ASXL2: variants seen among roughly 807,000 people sequenced by gnomAD.
ASXL2 encodes ASXL transcriptional regulator 2.
In ASXL2, 23 loss-of-function variants were observed where a neutral mutation model predicts 122.0. That is an observed-to-expected ratio of 0.19 (90% CI 0.14 to 0.27). The LOEUF (loss-of-function observed/expected upper bound fraction) is 0.27. ASXL2 is among the 10% of genes least tolerant of loss of function. The pLI is 1.00. For synonymous variants in ASXL2, 650 were observed against 637.0 expected, an observed-to-expected ratio of 1.02 and a Z score of -0.31; for missense variants, 1,518 against 1,713.8, an observed-to-expected ratio of 0.89 and a Z score of 2.02.
At chr2:25,814,984 T>C (rs1316279894) in intron 3 of ASXL2, among the ~76,000 whole-genome samples, 3 of 152,146 alleles carry the variant, frequency 2.0e-5, no homozygotes, top group Non-Finnish European at 4.4e-5. Flanking sequence ...TCACAGATAA[T>C]GTACATACCA....
Position 25,742,205 on chromosome 2 carries a change from G to A in ASXL2, c.4132C>T (p.His1378Tyr). Reference protein sequence around the residue: ...PASQAMNPSSHGQTIPVQAFS... With the variant: ...PASQAMNPSSYGQTIPVQAFS... ...GCCTGAACAGGAATGGTCTGGCCAT[G>A]GCTGCTGGGATTCATAGCTTGGCTA... Residue 1378 changes from histidine to tyrosine, a missense_variant, in exon 13 of 13, where the codon CAT (histidine) becomes TAT (tyrosine). Physicochemically the swap from His to Tyr is moderately conservative, Grantham distance 83. Around this residue, in one of 8 missense-constraint regions of ASXL2, gnomAD observed 831 missense variants for 833.1 expected, o/e 1.00. Transcript: ENST00000435504. 6.2e-7 allele frequency: 1 copy of A among 1,614,024 alleles called. No individual in the cohort carries two copies. The highest frequency in any genetic ancestry group is 1.3e-5 in the African/African-American group (1 of 75,042).
At chr2:25,818,835 T>C (rs2089272498) in intron 3 of ASXL2, among the ~76,000 whole-genome samples, 1 of 152,218 alleles carries the variant, frequency 6.6e-6, no homozygotes, top group Non-Finnish European at 1.5e-5. Context: ...ATCCCTGCTT[T>C]GTGTACTCAT....
intron 2 of ASXL2, among the ~76,000 whole-genome samples, chr2:25,836,441 A>T (rs1202040349): frequency 2.0e-5 from 3 of 152,198 alleles, no homozygotes; most frequent in Admixed American, 1.3e-4. Context: ...GAGAATATTG[A>T]CTTTATTTCC....
intron 1 of ASXL2, among the ~76,000 whole-genome samples, chr2:25,852,973 T>C (rs1019578868): frequency 1.3e-5 from 2 of 152,138 alleles, no homozygotes; most frequent in African/African-American, 4.8e-5. Flanking sequence ...AAACAACTCT[T>C]TCTAGGACAA....
At chr2:25,809,125 A>G (rs2089127980) in intron 3 of ASXL2, among the ~76,000 whole-genome samples, 2 of 152,210 alleles carry the variant, frequency 1.3e-5, no homozygotes, top group South Asian at 4.1e-4. Context: ...TGAGTTTCAC[A>G]TGGCTAAATC....
intron 6 of ASXL2, among the ~76,000 whole-genome samples, chr2:25,769,351 G>T (rs1477450550): frequency 1.3e-5 from 2 of 152,146 alleles, no homozygotes; most frequent in African/African-American, 4.8e-5. Flanking sequence ...AGGCTTCAGA[G>T]ATACAATATT....
chr2:25,815,312 T>A (rs1485957122), intron 3 of ASXL2, among the ~76,000 whole-genome samples: 5 of 152,252 alleles, frequency 3.3e-5, no homozygotes, highest in Admixed American at 2.6e-4. Context: ...GCCAGCCTAC[T>A]CTACCTTTCT....
At chr2:25,829,419 GA>G (rs1325996741) in intron 3 of ASXL2, among the ~76,000 whole-genome samples, 4 of 152,182 alleles carry the variant, frequency 2.6e-5, no homozygotes, top group Non-Finnish European at 4.4e-5. Context: ...GCTGGAGAGA[GA>G]GAATAAAAAT....
chr2:25,824,656 C>T (rs903202831), intron 3 of ASXL2, among the ~76,000 whole-genome samples: 3 of 152,174 alleles, frequency 2.0e-5, no homozygotes, highest in Non-Finnish European at 2.9e-5. Flanking sequence ...CAGTCTCCAA[C>T]CCCGTGGTTT....
chr2:25,856,653 T>C (rs1371151714), intron 1 of ASXL2: 1 of 1,258,676 alleles, frequency 7.9e-7, no homozygotes. Flanking sequence ...CTCCCCAGAG[T>C]GGTGGCTCAC....
chr2:25,763,097 C>A (rs1559503935), intron 8 of ASXL2, among the ~76,000 whole-genome samples: 2 of 152,132 alleles, frequency 1.3e-5, no homozygotes, highest in Non-Finnish European at 2.9e-5. Flanking sequence ...ACAGGGAGAA[C>A]TGGACAAACC....
chr2:25,829,289 T>C (rs1037719116), intron 3 of ASXL2, among the ~76,000 whole-genome samples: 30 of 145,692 alleles, frequency 2.1e-4, no homozygotes, highest in African/African-American at 5.5e-4. Context: ...CACATACACA[T>C]ACACACACAC....
Position 25,837,084 on chromosome 2 carries a change from TGGG to T in ASXL2, c.141-1547_141-1545del, listed in dbSNP as rs3065434. Among the ~76,000 whole-genome samples, 128 of 88,690 alleles carry T rather than the reference TGGG, an allele frequency of 1.4e-3. 2 individuals carry two copies. Among genetic ancestry groups the T allele is most frequent in the Middle Eastern group, 9.5e-3 (2 of 210 alleles). The allele number at this position is 88,690 out of a possible 152,430, so 58.2% of individuals were successfully genotyped here. ...AGGTTAAGGAAACTCCAAAGGGGGGTGGGGGGGGGGGGCGTGGGAAGCACTAAA... is the reference window on the plus strand; with the variant it reads ...AGGTTAAGGAAACTCCAAAGGGGGGTGGGGGGGGGCGTGGGAAGCACTAAA... On this transcript the variant is annotated intron_variant, in intron 2 of 12. Coordinates refer to ENST00000435504, the MANE Select transcript of ASXL2 (RefSeq NM_018263.6).
intron 5 of ASXL2, among the ~76,000 whole-genome samples, chr2:25,774,624 T>C (rs547782082): frequency 9.1e-4 from 139 of 152,360 alleles, no homozygotes; most frequent in African/African-American, 3.1e-3. Context: ...TATGTACATG[T>C]GAGTGTTTTT....
chr2:25,846,030 T>C (rs531375902), intron 1 of ASXL2, among the ~76,000 whole-genome samples: 68 of 152,282 alleles, frequency 4.5e-4, no homozygotes, highest in African/African-American at 1.5e-3. Context: ...CAACTAGCAG[T>C]ACCACACTAG....
At chr2:25,769,689 C>T (rs528047270) in intron 6 of ASXL2, among the ~76,000 whole-genome samples, 1 of 150,608 alleles carries the variant, frequency 6.6e-6, no homozygotes, top group East Asian at 1.9e-4. Flanking sequence ...GAAAAAGAAA[C>T]GAAGAAAGTA....
At position 25,744,940 on chromosome 2, in the gene ASXL2, C is replaced by T. The variant is rs1314744164; in HGVS notation, c.1861-464G>A. Among the ~76,000 whole-genome samples, 1 of 37,802 alleles carries T rather than the reference C, an allele frequency of 2.6e-5. No homozygotes were observed. The highest frequency in any genetic ancestry group is 7.2e-5 in the Non-Finnish European group (1 of 13,798). The allele number at this position is 37,802 out of a possible 152,430, so 24.8% of individuals were successfully genotyped here. On this transcript the variant is annotated intron_variant, in intron 12 of 12. Transcript: ENST00000435504. The surrounding 1 kb of genome is among the most constrained non-coding windows in gnomAD (Gnocchi z 4.7). ...AATACTTGCTCTTCTCTGTTCCACA[C>T]ACACACACACACACACACACACACA...
intron 1 of ASXL2, among the ~76,000 whole-genome samples, chr2:25,867,579 C>G (rs2089920321): frequency 2.0e-5 from 3 of 152,298 alleles, no homozygotes. Flanking sequence ...TTCCTGCCCT[C>G]TATAATAAAT....
chr2:25,795,942 C>T lies in ASXL2; in HGVS notation c.403+3443G>A, dbSNP rs115371994. ...CTACTGACAGGGATTAATTTAAAACCACACATCAACAATTAACTAGTCAGA... is the reference window on the plus strand; with the variant it reads ...CTACTGACAGGGATTAATTTAAAACTACACATCAACAATTAACTAGTCAGA... On this transcript the variant is annotated intron_variant, in intron 5 of 12. Coordinates refer to ENST00000435504, the MANE Select transcript of ASXL2 (RefSeq NM_018263.6). Among the ~76,000 whole-genome samples, 465 of 152,260 alleles carry T rather than the reference C, an allele frequency of 3.1e-3. 1 individual carries two copies. The highest frequency in any genetic ancestry group is 0.011 in the African/African-American group (439 of 41,550).
Sources: gnomAD v4.1 joint callset for allele counts (sites outside exome capture counted in the v4.1 genomes callset) on GRCh38, gnomAD v4.1.1 for gene constraint, gnomAD v4.1.1 regional missense constraint, Gnocchi (gnomAD v3.1) non-coding constraint, MANE v1.5 for transcripts, NCBI Gene and HGNC (gene_info 2026-07-23, HGNC 2026-07-21) for gene names.